Variants in PCDHA8 observed in about 807,000 individuals in gnomAD.
The protein encoded by PCDHA8 is protocadherin alpha 8.
PCDHA8 carries 53 observed loss-of-function variants against 61.8 expected under a neutral mutation model. That is an observed-to-expected ratio of 0.86 (90% CI 0.69 to 1.08). The LOEUF is 1.08. PCDHA8 is among the 50% of genes least tolerant of loss of function. The probability of loss-of-function intolerance (pLI) is 0.00; values close to 1 mark genes in which losing one functional copy is unlikely to be tolerated. For synonymous variants in PCDHA8, 618 were observed against 556.6 expected, an observed-to-expected ratio of 1.11 and a Z score of -1.55; for missense variants, 1,293 against 1,245.0, an observed-to-expected ratio of 1.04 and a Z score of -0.58.
chr5:140,879,055 A>C (rs1048447920), intron 1 of PCDHA8, among the ~76,000 whole-genome samples: 2 of 152,214 alleles, frequency 1.3e-5, no homozygotes, highest in Non-Finnish European at 2.9e-5. Context: ...ACAACATTTT[A>C]CCAAGAAAGT....
Position 141,001,288 on chromosome 5 carries a change from C to T in PCDHA8, c.2543-8339C>T, listed in dbSNP as rs147786395. 2.9e-3 allele frequency among the ~76,000 whole-genome samples: 438 copies of T among 152,218 alleles called. 7 individuals are homozygous for T. The East Asian group carries it at 0.044, about 15-fold the overall frequency. ...TATGAACTTTTTTTACGGATGAAAACTGAGGCCCAGAGATATGAAATAATT... is the reference window on the plus strand; with the variant it reads ...TATGAACTTTTTTTACGGATGAAAATTGAGGCCCAGAGATATGAAATAATT... On this transcript the variant is annotated intron_variant, in intron 3 of 3. Transcript: ENST00000531613.
intron 1 of PCDHA8, among the ~76,000 whole-genome samples, chr5:140,844,800 T>C (rs1779552388): frequency 6.7e-6 from 1 of 149,422 alleles, no homozygotes; most frequent in South Asian, 2.1e-4. Flanking sequence ...AACATTTTCT[T>C]TCTTTTATTT....
At position 140,841,872 on chromosome 5, in the gene PCDHA8, C is replaced by T. The variant is rs147561890; in HGVS notation, c.551C>T (p.Ser184Leu). 2.5e-6 allele frequency: 4 copies of T among 1,613,678 alleles called. No homozygotes were observed. The highest frequency in any genetic ancestry group is 3.4e-6 in the Non-Finnish European group (4 of 1,179,812). Reference sequence around the variant, plus strand: ...GATTACTTCATGCTAGATGTGAATTCAAAGAACGATGAGAATAAACTGGTT... The same window carrying T: ...GATTACTTCATGCTAGATGTGAATTTAAAGAACGATGAGAATAAACTGGTT... ...SHDYFMLDVN[S>L]KNDENKLVEL... Residue 184 changes from serine to leucine, a missense_variant, in exon 1 of 4, where the codon TCA (serine) becomes TTA (leucine). Physicochemically the swap from Ser to Leu is moderately radical, Grantham distance 145. Transcript: ENST00000531613.
intron 1 of PCDHA8, among the ~76,000 whole-genome samples, chr5:140,955,373 T>C (rs2338310): frequency 0.011 from 1,717 of 152,252 alleles, 30 homozygotes; most frequent in African/African-American, 0.038. Context: ...TGGGAGGTAA[T>C]TGAATCATGG....
At chr5:140,876,577 A>T in intron 1 of PCDHA8, 2 of 1,614,182 alleles carry the variant, frequency 1.2e-6, no homozygotes, top group Non-Finnish European at 1.7e-6. Flanking sequence ...GGGTACCGTC[A>T]TTGCCCTGAT....
At chr5:140,998,721 C>T (rs987484967) in intron 3 of PCDHA8, among the ~76,000 whole-genome samples, 3 of 152,084 alleles carry the variant, frequency 2.0e-5, no homozygotes, top group Non-Finnish European at 2.9e-5. Context: ...TGCACCACCA[C>T]GCTAGGCTAA....
chr5:140,890,726 T>C (rs2062772984), intron 1 of PCDHA8, among the ~76,000 whole-genome samples: 1 of 152,214 alleles, frequency 6.6e-6, no homozygotes. Context: ...TTTAATCCCT[T>C]TTGACTTATA....
At chr5:140,939,281 G>C (rs1554212652) in intron 1 of PCDHA8, among the ~76,000 whole-genome samples, 1 of 152,014 alleles carries the variant, frequency 6.6e-6, no homozygotes. Context: ...CTGTGCCCTC[G>C]TGATCTAATC....
chr5:140,967,793 G>A (rs1447753881), intron 1 of PCDHA8: 24 of 1,614,080 alleles, frequency 1.5e-5, no homozygotes, highest in Non-Finnish European at 1.9e-5. Flanking sequence ...CCGGGGTCCA[G>A]TGCCCATGGC....
intron 1 of PCDHA8, chr5:140,870,179 G>T (rs184228916): frequency 2.5e-6 from 4 of 1,613,986 alleles, no homozygotes; most frequent in African/African-American, 2.7e-5. Context: ...CTCCCAGTAC[G>T]AGAGGACGCT....
At chr5:140,860,133 G>GTA (rs1366023813) in intron 1 of PCDHA8, 4 of 149,192 alleles carry the variant, frequency 2.7e-5, no homozygotes, top group Non-Finnish European at 5.9e-5. Flanking sequence ...GTGTGTGTGT[G>GTA]TATATATATG....
chr5:140,916,022 A>G (rs982398362), intron 1 of PCDHA8, among the ~76,000 whole-genome samples: 1 of 151,978 alleles, frequency 6.6e-6, no homozygotes, highest in Non-Finnish European at 1.5e-5. Context: ...AGTCTTTCCC[A>G]TTCTTCCCTC....
intron 1 of PCDHA8, among the ~76,000 whole-genome samples, chr5:140,904,934 G>A (rs1181903303): frequency 6.6e-6 from 1 of 152,110 alleles, no homozygotes; most frequent in Non-Finnish European, 1.5e-5. Context: ...GTAGGTTCTG[G>A]ATATTAGTCC....
chr5:140,890,776 A>T (rs1554184541), intron 1 of PCDHA8, among the ~76,000 whole-genome samples: 2 of 152,198 alleles, frequency 1.3e-5, no homozygotes, highest in Non-Finnish European at 2.9e-5. Context: ...TTAAAACCCC[A>T]TAAGATATTA....
chr5:140,875,564 T>C (rs1327477761), intron 1 of PCDHA8: 1 of 1,614,048 alleles, frequency 6.2e-7, no homozygotes, highest in African/African-American at 1.3e-5. Flanking sequence ...AGCGGCCAGC[T>C]CCACTACTCC....
At chr5:140,856,634 C>A (rs2044123180) in intron 1 of PCDHA8, 2 of 1,597,826 alleles carry the variant, frequency 1.3e-6, no homozygotes, top group African/African-American at 1.3e-5. Flanking sequence ...GCTTGTTCTG[C>A]GGAAGCTGCT....
rs782027925 is a variant in PCDHA8, at chr5:140,877,333, C to G, written c.2394+33618C>G. The G allele has an allele frequency of 2.5e-6, 4 of 1,613,992 alleles. No individual in the cohort carries two copies. The South Asian group carries it at 3.3e-5, about 13-fold the overall frequency. Reference sequence around the variant, plus strand: ...ACCGGCGGCGGTCGGCGCGCACATCCCGTTCCACGTGGGGCTGTACACTGG... The same window carrying G: ...ACCGGCGGCGGTCGGCGCGCACATCGCGTTCCACGTGGGGCTGTACACTGG... On this transcript the variant is annotated intron_variant, in intron 1 of 3. Transcript: ENST00000531613.
At chr5:140,983,585 A>G (rs561693645) in intron 3 of PCDHA8, among the ~76,000 whole-genome samples, 18 of 152,338 alleles carry the variant, frequency 1.2e-4, no homozygotes, top group Non-Finnish European at 2.1e-4. Flanking sequence ...TATTACATCT[A>G]TTCTACATAT....
At chr5:140,889,027 C>A (rs1004891593) in intron 1 of PCDHA8, among the ~76,000 whole-genome samples, 5 of 151,910 alleles carry the variant, frequency 3.3e-5, no homozygotes, top group African/African-American at 1.2e-4. Context: ...CCTTGGATAA[C>A]CGTAATTTGA....
Sources: allele counts gnomAD v4.1 joint callset (sites outside exome capture counted in the v4.1 genomes callset), GRCh38; gene constraint gnomAD v4.1.1; transcripts MANE v1.5; gene names NCBI Gene and HGNC (gene_info 2026-07-23, HGNC 2026-07-21).